Variants in SDK1 observed in about 807,000 individuals in gnomAD.
SDK1 encodes the protein sidekick cell adhesion molecule 1, also known as protein sidekick-1.
Under a neutral mutation model 245.5 loss-of-function variants are expected in SDK1, and 157 were observed. The ratio of observed to expected loss-of-function variants is 0.64; its 90% confidence interval spans 0.56 to 0.73. The LOEUF is 0.73. SDK1 is among the 30% of genes least tolerant of loss of function. The pLI is 0.00. For synonymous variants in SDK1, 1,647 were observed against 1,278.5 expected (o/e 1.29, Z -6.15); for missense variants, 3,583 against 3,002.3 (o/e 1.19, Z -4.52).
At position 3,378,554 on chromosome 7, in the gene SDK1, C is replaced by A. The variant is rs888695585; in HGVS notation, c.298+76670C>A. Among the ~76,000 whole-genome samples, 4 of 152,104 alleles carry A rather than the reference C, an allele frequency of 2.6e-5. No homozygotes were observed. The East Asian group carries it at 7.7e-4, about 29-fold the overall frequency. ...TTGAGGTCGGGCAGGGATTTGGATC[C>A]AGGCTGTGACTCCAAAGCCTGCCCT... On this transcript the variant is annotated intron_variant, in intron 1 of 44. Transcript: ENST00000404826.
intron 1 of SDK1, among the ~76,000 whole-genome samples, chr7:3,352,795 T>G (rs1297007057): frequency 2.0e-5 from 3 of 152,020 alleles, no homozygotes; most frequent in Non-Finnish European, 4.4e-5. Flanking sequence ...TTTCACAAAG[T>G]TCTGAGGAGC....
chr7:3,348,630 C>T (rs993207718), intron 1 of SDK1, among the ~76,000 whole-genome samples: 2 of 152,164 alleles, frequency 1.3e-5, no homozygotes, highest in Admixed American at 6.5e-5. Flanking sequence ...GGCTCGTCTG[C>T]ACCCCAAACC....
chr7:3,722,439 C>T (rs535078074), intron 4 of SDK1, among the ~76,000 whole-genome samples: 1 of 152,224 alleles, frequency 6.6e-6, no homozygotes, highest in Middle Eastern at 3.4e-3. Context: ...AGCCTTTAAT[C>T]AGGGAAGCTT....
At chr7:3,793,714 T>A (rs1778877392) in intron 4 of SDK1, among the ~76,000 whole-genome samples, 2 of 152,126 alleles carry the variant, frequency 1.3e-5, no homozygotes, top group African/African-American at 2.4e-5. Context: ...AAGTTTAAAG[T>A]ATAAATGCAG....
chr7:3,938,068 C>G (rs112629070), intron 5 of SDK1, among the ~76,000 whole-genome samples: 4,456 of 152,206 alleles, frequency 0.029, 214 homozygotes, highest in African/African-American at 0.099. Context: ...AACTCCTGAC[C>G]TCAGGCGATC....
chr7:3,685,436 A>T (rs963776115), intron 4 of SDK1, among the ~76,000 whole-genome samples: 3 of 152,216 alleles, frequency 2.0e-5, no homozygotes, highest in Non-Finnish European at 4.4e-5. Flanking sequence ...GATGTTAGCA[A>T]ACCTGTCCTA....
intron 4 of SDK1, among the ~76,000 whole-genome samples, chr7:3,682,636 A>G (rs73300276): frequency 0.47 from 38,627 of 82,356 alleles, 8,123 homozygotes; most frequent in African/African-American, 0.64. Context: ...TTCTTTTTAC[A>G]TCAGCTTCAT....
At chr7:3,382,824 G>T (rs1230062549) in intron 1 of SDK1, among the ~76,000 whole-genome samples, 1 of 152,082 alleles carries the variant, frequency 6.6e-6, no homozygotes, top group Non-Finnish European at 1.5e-5. Flanking sequence ...TCATTGAGTG[G>T]TAGTCCCCCA....
At chr7:3,507,647 A>G (rs544090231) in intron 1 of SDK1, among the ~76,000 whole-genome samples, 1 of 152,168 alleles carries the variant, frequency 6.6e-6, no homozygotes, top group Non-Finnish European at 1.5e-5. Flanking sequence ...TCATGTCCAC[A>G]ACAAAGCCTG....
intron 30 of SDK1, among the ~76,000 whole-genome samples, chr7:4,151,457 G>A (rs1780377197): frequency 6.6e-6 from 1 of 152,210 alleles, no homozygotes; most frequent in Non-Finnish European, 1.5e-5. Flanking sequence ...ATGCTGGCGG[G>A]TTGGAATTTA....
At chr7:4,236,448 G>C (rs1255661613) in intron 41 of SDK1, among the ~76,000 whole-genome samples, 1 of 152,192 alleles carries the variant, frequency 6.6e-6, no homozygotes, top group African/African-American at 2.4e-5. Flanking sequence ...GACAGGGCCA[G>C]TCGTTCAGCT....
At chr7:4,114,812 A>T (rs74633075) in intron 25 of SDK1, among the ~76,000 whole-genome samples, 29,526 of 152,108 alleles carry the variant, frequency 0.19, 3,210 homozygotes, top group Middle Eastern at 0.3. Context: ...GTTCTGTGGG[A>T]CTAATCTCCT....
chr7:3,796,188 T>C (rs969446222), intron 4 of SDK1, among the ~76,000 whole-genome samples: 1 of 152,124 alleles, frequency 6.6e-6, no homozygotes, highest in Non-Finnish European at 1.5e-5. Flanking sequence ...AAAGGGAGAA[T>C]TGAATTTGTG....
chr7:3,644,337 T>C (rs1782753894), intron 4 of SDK1, among the ~76,000 whole-genome samples: 1 of 151,748 alleles, frequency 6.6e-6, no homozygotes, highest in Non-Finnish European at 1.5e-5. Context: ...TGCTATCCTT[T>C]TTTCTTTATT....
intron 1 of SDK1, among the ~76,000 whole-genome samples, chr7:3,558,236 G>C (rs1779647580): frequency 6.6e-6 from 1 of 152,220 alleles, no homozygotes. Context: ...GATTTCTGGA[G>C]TAGGCCATAG....
intron 1 of SDK1, among the ~76,000 whole-genome samples, chr7:3,549,091 A>C (rs375172721): frequency 4.6e-5 from 7 of 152,194 alleles, no homozygotes; most frequent in African/African-American, 1.7e-4. Context: ...TTGCCATTCA[A>C]TGTAAGTGCA....
chr7:4,173,606 A>T (rs1446651040), intron 32 of SDK1, among the ~76,000 whole-genome samples: 1 of 152,192 alleles, frequency 6.6e-6, no homozygotes, highest in African/African-American at 2.4e-5. Context: ...GCAGGGTGAG[A>T]GCTGGATGGC....
intron 4 of SDK1, among the ~76,000 whole-genome samples, chr7:3,760,104 TA>T (rs1311342590): frequency 6.7e-6 from 1 of 149,560 alleles, no homozygotes; most frequent in Non-Finnish European, 1.5e-5. Context: ...TGCATGTTTG[TA>T]AAAACATGGA....
At position 3,884,514 on chromosome 7, in the gene SDK1, C is replaced by G. The variant is rs536368089; in HGVS notation, c.847+62931C>G. On this transcript the variant is annotated intron_variant, in intron 5 of 44. Transcript: ENST00000404826. ...AGTGAGAGCAGTTAGCGCCGTTTCT[C>G]AGATGAGGACACTGAGTCTCAGGGA... is the stretch of plus-strand genomic sequence containing the variant. 2.6e-5 allele frequency among the ~76,000 whole-genome samples: 4 copies of G among 152,334 alleles called. No homozygotes were observed. The South Asian group carries it at 8.3e-4, about 32-fold the overall frequency.
Sources: gnomAD v4.1 joint callset for allele counts (sites outside exome capture counted in the v4.1 genomes callset) on GRCh38, gnomAD v4.1.1 for gene constraint, MANE v1.5 for transcripts, NCBI Gene and HGNC (gene_info 2026-07-23, HGNC 2026-07-21) for gene names.